The following LRBA variants were observed in gnomAD, a reference collection of about 807,000 sequenced individuals.
The protein encoded by LRBA is LPS responsive beige-like anchor protein, also known as lipopolysaccharide-responsive and beige-like anchor protein.
A neutral mutation model predicts 330.0 loss-of-function variants in LRBA; 176 were observed. The ratio of observed to expected loss-of-function variants is 0.53; its 90% CI spans 0.47 to 0.60. The LOEUF (loss-of-function observed/expected upper bound fraction) is 0.60, where lower values mean the gene tolerates loss of function less well. Ranked by LOEUF, LRBA falls within the 20% of genes least tolerant of loss-of-function variation. The pLI is 0.00. For synonymous variants in LRBA, 1,230 were observed against 1,193.0 expected (o/e 1.03, Z -0.64); for missense variants, 3,259 against 3,444.8 (o/e 0.95, Z 1.35).
chr4:150,692,006 T>A (rs939395959), intron 36 of LRBA, among the ~76,000 whole-genome samples: 2 of 152,090 alleles, frequency 1.3e-5, no homozygotes, highest in Non-Finnish European at 2.9e-5. Context: ...GATCACTGGT[T>A]GTCTGGGATT....
In LRBA at chr4:150,823,989, T is replaced by C. The variant is rs191719675; in HGVS notation, c.5171+4191A>G. ...GAAGAATGTCACTGGTATTTTGATATGGATTGCACTGAATCTGTAGATTGC... is the reference window on the plus strand; with the variant it reads ...GAAGAATGTCACTGGTATTTTGATACGGATTGCACTGAATCTGTAGATTGC... On this transcript the variant is annotated intron_variant, in intron 30 of 56. Transcript: ENST00000651943. Among the ~76,000 whole-genome samples the C allele has an allele frequency of 1.6e-3, 244 of 152,290 alleles. 1 individual carries two copies. Among genetic ancestry groups the C allele is most frequent in the Admixed American group, 3.6e-3 (55 of 15,292 alleles).
intron 55 of LRBA, among the ~76,000 whole-genome samples, chr4:150,278,675 T>G (rs932834748): frequency 8.5e-5 from 13 of 152,226 alleles, no homozygotes; most frequent in Non-Finnish European, 1.8e-4. Flanking sequence ...TCTTTGATCC[T>G]GTAAAATGGG....
At chr4:150,632,245 A>G (rs1297435187) in intron 37 of LRBA, among the ~76,000 whole-genome samples, 1 of 152,066 alleles carries the variant, frequency 6.6e-6, no homozygotes, top group Non-Finnish European at 1.5e-5. Context: ...AAAAAAAAAA[A>G]AAAAAGTGAT....
chr4:150,706,241 T>C (rs1785605578), intron 36 of LRBA, among the ~76,000 whole-genome samples: 1 of 151,962 alleles, frequency 6.6e-6, no homozygotes, highest in East Asian at 1.9e-4. Flanking sequence ...TTGATTAATA[T>C]GCTAGCTTGA....
chr4:150,990,627 T>C (rs1231996715), intron 2 of LRBA, among the ~76,000 whole-genome samples: 1 of 151,926 alleles, frequency 6.6e-6, no homozygotes, highest in Non-Finnish European at 1.5e-5. Context: ...TCCCAGCTAC[T>C]TGGGAGGCTG....
In LRBA at chr4:150,583,602, C is replaced by A; in HGVS notation, c.6330+4446G>T. 3 of 1,614,040 alleles carry A rather than the reference C, an allele frequency of 1.9e-6. No homozygotes were observed. The highest frequency in any genetic ancestry group is 2.2e-5 in the South Asian group (2 of 91,060). On this transcript the variant is annotated intron_variant, in intron 40 of 56. Transcript: ENST00000651943. This position sits in a 1 kb window ranked among gnomAD's most constrained non-coding sequence, Gnocchi z 9.8. ...GCGCGGCACAGTGGCCTATGCCCCA[C>A]ATCCCTTGGCCCGGCCCCAATCGGG...
Position 150,583,856 on chromosome 4 carries a change from C to T in LRBA, c.6330+4192G>A. The T allele has an allele frequency of 2.5e-6, 4 of 1,614,166 alleles. No homozygotes were observed. The highest frequency in any genetic ancestry group is 3.4e-6 in the Non-Finnish European group (4 of 1,180,008). On this transcript the variant is annotated intron_variant, in intron 40 of 56. Transcript: ENST00000651943. The surrounding 1 kb of genome is among the most constrained non-coding windows in gnomAD (Gnocchi z 9.8). ...CCGCTCAACAACTACCACATGAAGA[C>T]GCTGCTGCTGTACGAGTGCGAGAAA...
intron 2 of LRBA, among the ~76,000 whole-genome samples, chr4:151,005,602 C>CTT (rs1187161237): frequency 2.5e-4 from 26 of 102,976 alleles, no homozygotes; most frequent in East Asian, 7.8e-4. Context: ...GTTACCCAGG[C>CTT]TTTTTTTTTT....
intron 40 of LRBA, among the ~76,000 whole-genome samples, chr4:150,568,817 G>A (rs191204388): frequency 9.2e-5 from 14 of 152,036 alleles, no homozygotes; most frequent in Admixed American, 7.2e-4. Context: ...ATGAGCATTC[G>A]GTTTTAAAAT....
intron 40 of LRBA, among the ~76,000 whole-genome samples, chr4:150,505,636 C>T (rs1216476178): frequency 6.6e-6 from 1 of 152,098 alleles, no homozygotes; most frequent in Non-Finnish European, 1.5e-5. Flanking sequence ...CAGGAAAGAT[C>T]TAAAATTCAC....
chr4:150,549,341 A>AT lies in LRBA; in HGVS notation c.6330+38706dup, dbSNP rs1033442629. ...TTATTTTATTTTATTTTATTTTTTT[A>AT]TTTTTTTTTAGATGGAGTCTCGCTC... On this transcript the variant is annotated intron_variant, in intron 40 of 56. Coordinates refer to ENST00000651943, the MANE Select transcript of LRBA (RefSeq NM_001364905.1). Among the ~76,000 whole-genome samples, 17 of 147,190 alleles carry AT rather than the reference A, an allele frequency of 1.2e-4. No homozygotes were observed. In the East Asian group the frequency reaches 2.8e-3, roughly 24 times the overall value.
At chr4:150,620,152 A>T (rs1040124562) in intron 37 of LRBA, among the ~76,000 whole-genome samples, 15 of 151,326 alleles carry the variant, frequency 9.9e-5, no homozygotes, top group East Asian at 3.8e-4. Flanking sequence ...GTGTATTTTT[A>T]AAAAAAACAT....
intron 4 of LRBA, among the ~76,000 whole-genome samples, chr4:150,923,163 A>G (rs1579214998): frequency 6.9e-6 from 1 of 144,272 alleles, no homozygotes; most frequent in Admixed American, 7.3e-5. Flanking sequence ...AATGCATATC[A>G]CTTTCACACC....
chr4:150,907,805 G>A (rs1422926489), intron 11 of LRBA, among the ~76,000 whole-genome samples: 4 of 151,780 alleles, frequency 2.6e-5, no homozygotes, highest in Admixed American at 2.6e-4. Context: ...TTTAGACTCA[G>A]GACTACAACA....
chr4:150,384,777 A>AT (rs1420023463), intron 47 of LRBA, among the ~76,000 whole-genome samples: 1 of 152,052 alleles, frequency 6.6e-6, no homozygotes, highest in Non-Finnish European at 1.5e-5. Flanking sequence ...AGAGGAAAGA[A>AT]TTAAGATTAG....
intron 15 of LRBA, among the ~76,000 whole-genome samples, chr4:150,896,982 A>G (rs2127117756): frequency 6.6e-6 from 1 of 151,502 alleles, no homozygotes; most frequent in Admixed American, 6.6e-5. Flanking sequence ...AATCACTAAA[A>G]AAGCTGCAAT....
At chr4:150,814,589 A>G (rs1212639671) in intron 31 of LRBA, among the ~76,000 whole-genome samples, 2 of 151,974 alleles carry the variant, frequency 1.3e-5, no homozygotes, top group African/African-American at 4.8e-5. Flanking sequence ...AAAGACCATC[A>G]TCACAAGGAA....
At chr4:150,615,751 G>A (rs1363859219) in intron 37 of LRBA, among the ~76,000 whole-genome samples, 1 of 152,032 alleles carries the variant, frequency 6.6e-6, no homozygotes, top group Non-Finnish European at 1.5e-5. Flanking sequence ...CTTCTTCTTA[G>A]GCACACAACT....
intron 2 of LRBA, among the ~76,000 whole-genome samples, chr4:150,985,195 T>G (rs933529185): frequency 6.6e-6 from 1 of 150,828 alleles, no homozygotes; most frequent in African/African-American, 2.4e-5. Context: ...GGGGTGGAGG[T>G]TGCAGTGAGC....
Sources: allele counts gnomAD v4.1 joint callset (sites outside exome capture counted in the v4.1 genomes callset), GRCh38; gene constraint gnomAD v4.1.1; non-coding constraint Gnocchi (gnomAD v3.1); transcripts MANE v1.5; gene names NCBI Gene and HGNC (gene_info 2026-07-23, HGNC 2026-07-21).